Variants in MYO1D observed in about 807,000 individuals in gnomAD.
The protein encoded by MYO1D is unconventional myosin-Id.
MYO1D carries 83 observed loss-of-function variants against 122.0 expected under a neutral mutation model. The observed-to-expected ratio is 0.68, with a 90% CI of 0.57 to 0.82. MYO1D has a LOEUF of 0.82. Among genes scored for constraint, MYO1D ranks in the 40% least tolerant of loss-of-function variants. The pLI, the probability that MYO1D is intolerant of heterozygous loss-of-function variation, is 0.00. For missense variants in MYO1D, 1,157 were observed against 1,269.5 expected (o/e 0.91, Z 1.35); for synonymous variants, 464 against 446.9 (o/e 1.04, Z -0.48).
intron 21 of MYO1D, among the ~76,000 whole-genome samples, chr17:32,584,805 A>G (rs1326368892): frequency 5.3e-5 from 8 of 152,186 alleles, no homozygotes; most frequent in African/African-American, 1.9e-4. Flanking sequence ...TCATCTTGCA[A>G]AAAGAAATAC....
At chr17:32,842,920 G>A (rs2090897694) in intron 1 of MYO1D, among the ~76,000 whole-genome samples, 3 of 121,910 alleles carry the variant, frequency 2.5e-5, no homozygotes, top group African/African-American at 9.5e-5. Context: ...ATGGAGTCTC[G>A]CTCTGTAGCC....
At chr17:32,778,304 A>C (rs1053262347) in intron 3 of MYO1D, among the ~76,000 whole-genome samples, 176 bp downstream of exon 3, 1 of 152,242 alleles carries the variant, frequency 6.6e-6, no homozygotes, top group Non-Finnish European at 1.5e-5. Context: ...AGTGAAATAA[A>C]TAAAAGTACA....
intron 16 of MYO1D, among the ~76,000 whole-genome samples, chr17:32,704,537 A>G (rs1265185995): frequency 6.6e-6 from 1 of 152,234 alleles, no homozygotes; most frequent in East Asian, 1.9e-4. Context: ...CATCTTTTAA[A>G]CCAACAATTT....
At chr17:32,815,296 A>C (rs564491712) in intron 1 of MYO1D, among the ~76,000 whole-genome samples, 1 of 152,160 alleles carries the variant, frequency 6.6e-6, no homozygotes, top group African/African-American at 2.4e-5. Flanking sequence ...TAAAATACAT[A>C]AACTGTAGGA....
chr17:32,660,304 C>T (rs2088544998), intron 16 of MYO1D, among the ~76,000 whole-genome samples: 1 of 152,160 alleles, frequency 6.6e-6, no homozygotes, highest in African/African-American at 2.4e-5. Context: ...ATATTATTTC[C>T]CTCCCTAGTC....
At chr17:32,738,127 A>T (rs1425786746) in intron 14 of MYO1D, 126 bp downstream of exon 14, 1 of 787,768 alleles carries the variant, frequency 1.3e-6, no homozygotes, top group Non-Finnish European at 1.8e-6. Context: ...CTATTATAAC[A>T]TTCACTTTAT....
At chr17:32,595,836 A>G (rs968154304) in intron 21 of MYO1D, among the ~76,000 whole-genome samples, 1 of 152,144 alleles carries the variant, frequency 6.6e-6, no homozygotes, top group African/African-American at 2.4e-5. Flanking sequence ...GTTGACAGCC[A>G]TGGGGAAAGA....
At chr17:32,577,094 C>CA (rs1204888193) in intron 21 of MYO1D, among the ~76,000 whole-genome samples, 1 of 151,920 alleles carries the variant, frequency 6.6e-6, no homozygotes, top group African/African-American at 2.4e-5. Context: ...TATTACAATA[C>CA]AAAAAAATTA....
At chr17:32,750,420 T>G (rs1255558241) in intron 11 of MYO1D, among the ~76,000 whole-genome samples, 2 of 151,832 alleles carry the variant, frequency 1.3e-5, no homozygotes, top group Non-Finnish European at 2.9e-5. Context: ...GAGACCATCC[T>G]GGCTAACACA....
chr17:32,542,397 C>T (rs146347811), intron 21 of MYO1D, among the ~76,000 whole-genome samples: 51 of 152,238 alleles, frequency 3.4e-4, no homozygotes, highest in Middle Eastern at 3.4e-3. Context: ...CTTCTGCCTC[C>T]GTGGTGCGAC....
chr17:32,590,887 C>T (rs1041488331), intron 21 of MYO1D, among the ~76,000 whole-genome samples: 2 of 152,198 alleles, frequency 1.3e-5, no homozygotes, highest in African/African-American at 4.8e-5. Context: ...GAGCTACGGC[C>T]TTTAAAAAGT....
intron 20 of MYO1D, among the ~76,000 whole-genome samples, chr17:32,621,890 G>A (rs963227866): frequency 6.6e-6 from 1 of 152,200 alleles, no homozygotes; most frequent in Non-Finnish European, 1.5e-5. Context: ...AGGATACAAT[G>A]AGAAGGCAGC....
At chr17:32,864,883 T>C (rs2091110815) in intron 1 of MYO1D, among the ~76,000 whole-genome samples, 1 of 152,140 alleles carries the variant, frequency 6.6e-6, no homozygotes, top group Non-Finnish European at 1.5e-5. Context: ...CCTTAGAACT[T>C]TGAGTGTAGA....
At chr17:32,843,074 G>C (rs1392637858) in intron 1 of MYO1D, among the ~76,000 whole-genome samples, 3 of 151,824 alleles carry the variant, frequency 2.0e-5, no homozygotes, top group Admixed American at 2.0e-4. Flanking sequence ...ATTTTTAGTA[G>C]AGACAGGGTT....
chr17:32,844,952 C>A (rs1291807788), intron 1 of MYO1D, among the ~76,000 whole-genome samples: 2 of 151,268 alleles, frequency 1.3e-5, no homozygotes, highest in Admixed American at 6.6e-5. Flanking sequence ...TATCTATTGA[C>A]ACGTAAAATG....
intron 17 of MYO1D, among the ~76,000 whole-genome samples, chr17:32,658,345 G>A (rs2088506631): frequency 6.6e-6 from 1 of 152,124 alleles, no homozygotes; most frequent in Non-Finnish European, 1.5e-5. Context: ...ATGATAAAAT[G>A]ACTATATTTG....
At chr17:32,593,145 T>C (rs1042603867) in intron 21 of MYO1D, among the ~76,000 whole-genome samples, 4 of 152,180 alleles carry the variant, frequency 2.6e-5, no homozygotes, top group Admixed American at 6.5e-5. Context: ...AGTGGGAACA[T>C]TTCCCTGGGG....
chr17:32,677,587 AT>A (rs2088836959), intron 16 of MYO1D, among the ~76,000 whole-genome samples: 1 of 10,704 alleles, frequency 9.3e-5, no homozygotes, highest in Non-Finnish European at 2.1e-4. Flanking sequence ...ATAAATATAT[AT>A]ATATATATAT....
At chr17:32,788,355 G>A (rs941385801) in intron 1 of MYO1D, among the ~76,000 whole-genome samples, 3 of 151,992 alleles carry the variant, frequency 2.0e-5, no homozygotes, top group African/African-American at 4.8e-5. Flanking sequence ...TCATGAATTC[G>A]TTGCCCAAGC....
Sources: gnomAD v4.1 joint callset for allele counts (sites outside exome capture counted in the v4.1 genomes callset) on GRCh38, gnomAD v4.1.1 for gene constraint, MANE v1.5 for transcripts, NCBI Gene and HGNC (gene_info 2026-07-23, HGNC 2026-07-21) for gene names.